Variants in NACC2 observed in about 807,000 individuals in gnomAD.
The protein encoded by NACC2 is nucleus accumbens-associated protein 2.
In NACC2, 8 loss-of-function variants were observed where a neutral mutation model predicts 25.1. That is an observed-to-expected ratio of 0.32 (90% confidence interval 0.19 to 0.57). The LOEUF (loss-of-function observed/expected upper bound fraction) is 0.57, where lower values mean the gene tolerates loss of function less well. Ranked by LOEUF, NACC2 falls within the 20% of genes least tolerant of loss-of-function variation. The probability of loss-of-function intolerance (pLI) is 0.89; values close to 1 mark genes in which losing one functional copy is unlikely to be tolerated. For missense variants in NACC2, 644 were observed against 650.2 expected, an observed-to-expected ratio of 0.99 and a Z score of 0.10; for synonymous variants, 435 against 294.7, an observed-to-expected ratio of 1.48 and a Z score of -4.88.
At chr9:136,029,881 G>T (rs571836305) in intron 2 of NACC2, among the ~76,000 whole-genome samples, 1 of 152,172 alleles carries the variant, frequency 6.6e-6, no homozygotes, top group Non-Finnish European at 1.5e-5. Flanking sequence ...TGTGGGATCC[G>T]GGCCGGTAGT....
chr9:136,050,170 C>T lies in NACC2; in HGVS notation c.352G>A (p.Asp118Asn). The T allele has an allele frequency of 1.3e-6, 1 of 770,186 alleles. No homozygotes were observed. Among genetic ancestry groups the T allele is most frequent in the Non-Finnish European group, 2.4e-6 (1 of 415,356 alleles). The allele number at this position is 770,186 out of a possible 1,614,324, so 47.7% of individuals were successfully genotyped here. Residue 118 changes from aspartate (D) to asparagine (N), a missense_variant, in exon 2 of 6, where the codon GAC becomes AAC. Coordinates refer to ENST00000277554, the MANE Select transcript of NACC2 (RefSeq NM_144653.5). ...GGCGAGCTCACCTTGAACATGAGGT[C>T]GGTGCCGCGCTCCACGATGTGCTGG... ...QIQHIVERGT[D>N]LMFKVSSPHC...
chr9:136,060,437 A>ATGGCAACTGTGAAACTG (rs1254146575), intron 1 of NACC2, among the ~76,000 whole-genome samples: 1 of 152,244 alleles, frequency 6.6e-6, no homozygotes, highest in Non-Finnish European at 1.5e-5. Context: ...CAGCTCGGGA[A>ATGGCAACTGTGAAACTG]TGGCAACTGT....
intron 1 of NACC2, among the ~76,000 whole-genome samples, chr9:136,061,381 G>A (rs1564235058): frequency 6.6e-6 from 1 of 152,120 alleles, no homozygotes; most frequent in African/African-American, 2.4e-5. Context: ...AGATAGAGGG[G>A]TCCCCTCCCT....
At position 136,084,341 on chromosome 9, in the gene NACC2, A is replaced by G. The variant is rs543915954; in HGVS notation, c.-60+10848T>C. 9.5e-4 allele frequency among the ~76,000 whole-genome samples: 144 copies of G among 152,172 alleles called. No individual in the cohort carries two copies. The highest frequency in any genetic ancestry group is 1.1e-3 in the Non-Finnish European group (74 of 68,006). On this transcript the variant is annotated intron_variant, in intron 1 of 5. Transcript: ENST00000277554. This position sits in a 1 kb window ranked among gnomAD's most constrained non-coding sequence, Gnocchi z 5.1. ...CCCATGCACACCTGGGGCCTTCACC[A>G]AAGGCGGGTTGCTGGAGGGCTGCTT... is the stretch of plus-strand genomic sequence containing the variant.
At chr9:136,042,372 G>C (rs1485324359) in intron 2 of NACC2, among the ~76,000 whole-genome samples, 1 of 152,106 alleles carries the variant, frequency 6.6e-6, no homozygotes, top group African/African-American at 2.4e-5. Context: ...CCTGACGGGG[G>C]GTATCTGGCA....
chr9:136,050,351 G>C lies in NACC2; in HGVS notation c.171C>G (p.Asp57Glu). The C allele has an allele frequency of 1.3e-6, 1 of 746,550 alleles. No homozygotes were observed. Among genetic ancestry groups the C allele is most frequent in the Non-Finnish European group, 2.5e-6 (1 of 406,930 alleles). The allele number at this position is 746,550 out of a possible 1,614,324, so 46.2% of individuals were successfully genotyped here. Reference protein sequence around the residue: ...VLAASSLYFRDLFSGNSKSAF... With the variant: ...VLAASSLYFRELFSGNSKSAF... The stretch of plus-strand genomic sequence containing the variant: ...CGCTCTTGCTGTTGCCGCTGAACAG[G>C]TCGCGGAAGTAGAGGCTGCTGGCGG... Residue 57 changes from aspartate (D) to glutamate (E), a missense_variant, in exon 2 of 6, where the codon GAC becomes GAG. Physicochemically the swap from Asp to Glu is conservative, Grantham distance 45 (BLOSUM62 2). Coordinates refer to ENST00000277554, the MANE Select transcript of NACC2 (RefSeq NM_144653.5).
rs1357480204 is a variant in NACC2 at position 136,007,693 on chromosome 9, C to G, written c.*3823G>C. On this transcript the variant is annotated 3_prime_UTR_variant, in exon 6 of 6. Transcript: ENST00000277554. ...AGCTCTGGATTCTGCGCTTAGGACT[C>G]GCTGCTGGCAGAGGCAGACAGAGGG... The G allele has an allele frequency of 6.6e-6, 1 of 152,270 alleles. No individual in the cohort carries two copies. The highest frequency in any genetic ancestry group is 2.4e-5 in the African/African-American group (1 of 41,460). 9.4% of individuals were successfully genotyped at this position (152,270 alleles called of 1,614,324 possible).
At chr9:136,048,881 G>A (rs889149106) in intron 2 of NACC2, among the ~76,000 whole-genome samples, 1 of 152,232 alleles carries the variant, frequency 6.6e-6, no homozygotes, top group African/African-American at 2.4e-5. Context: ...TCCACCACCT[G>A]CCCGTGGCTG....
At chr9:136,057,395 T>G (rs1588574650) in intron 1 of NACC2, among the ~76,000 whole-genome samples, 1 of 152,044 alleles carries the variant, frequency 6.6e-6, no homozygotes, top group Non-Finnish European at 1.5e-5. Context: ...GGGGCTGGGG[T>G]GGCTCCTGTT....
chr9:136,085,686 G>A (rs1043231205), intron 1 of NACC2, among the ~76,000 whole-genome samples: 7 of 152,206 alleles, frequency 4.6e-5, no homozygotes, highest in Non-Finnish European at 2.9e-5. Flanking sequence ...AGGTATGCAG[G>A]GGAGGTTTAC....
intron 1 of NACC2, among the ~76,000 whole-genome samples, chr9:136,094,179 C>T (rs1487117326): frequency 2.0e-5 from 3 of 152,258 alleles, no homozygotes; most frequent in Non-Finnish European, 4.4e-5. Context: ...TCAGGGCACC[C>T]AGCGGCCCAG....
chr9:136,058,112 G>GGT (rs1840954409), intron 1 of NACC2, among the ~76,000 whole-genome samples: 1 of 152,092 alleles, frequency 6.6e-6, no homozygotes, highest in Admixed American at 6.6e-5. Context: ...GGGCGGGGGG[G>GGT]GCCCAATGAC....
rs1840311716 is a variant in NACC2, at chr9:136,022,809, G to A, written c.887-6380C>T. On this transcript the variant is annotated intron_variant, in intron 2 of 5. Transcript: ENST00000277554. This position sits in a 1 kb window ranked among gnomAD's most constrained non-coding sequence, Gnocchi z 4.4. Reference sequence around the variant, plus strand: ...CACAGAGGCCACAATTATAAGGCATGCCATTCTCTCATGTGCCACAGGGCA... The same window carrying A: ...CACAGAGGCCACAATTATAAGGCATACCATTCTCTCATGTGCCACAGGGCA... Among the ~76,000 whole-genome samples, 2 of 151,904 alleles carry A rather than the reference G, an allele frequency of 1.3e-5. No homozygotes were observed. Among genetic ancestry groups the A allele is most frequent in the South Asian group, 4.2e-4 (2 of 4,816 alleles).
At chr9:136,067,285 AATTG>A (rs999748752) in intron 1 of NACC2, among the ~76,000 whole-genome samples, 3 of 151,312 alleles carry the variant, frequency 2.0e-5, no homozygotes, top group East Asian at 1.9e-4. Context: ...AAAAAAAAAA[AATTG>A]TTGTTGCCTA....
chr9:136,033,418 C>G (rs1428355022), intron 2 of NACC2, among the ~76,000 whole-genome samples: 1 of 151,798 alleles, frequency 6.6e-6, no homozygotes, highest in South Asian at 2.1e-4. Flanking sequence ...CTGATGTGGG[C>G]GGATCATCTG....
intron 1 of NACC2, among the ~76,000 whole-genome samples, chr9:136,085,315 CA>C (rs927697422): frequency 7.3e-5 from 11 of 151,030 alleles, no homozygotes; most frequent in Admixed American, 1.3e-4. Flanking sequence ...GTGCCCGACC[CA>C]AAAAAATTTT....
chr9:136,072,518 C>T (rs1830204501), intron 1 of NACC2, among the ~76,000 whole-genome samples: 1 of 151,914 alleles, frequency 6.6e-6, no homozygotes, highest in Admixed American at 6.6e-5. Flanking sequence ...GCAATCCAGC[C>T]TGCACAACAG....
At chr9:136,060,029 C>A (rs1840986584) in intron 1 of NACC2, among the ~76,000 whole-genome samples, 1 of 152,260 alleles carries the variant, frequency 6.6e-6, no homozygotes, top group Non-Finnish European at 1.5e-5. Flanking sequence ...CCCCACTCTG[C>A]CATGAGACAG....
intron 1 of NACC2, among the ~76,000 whole-genome samples, chr9:136,075,379 G>A (rs1588581078): frequency 1.3e-5 from 2 of 152,346 alleles, no homozygotes; most frequent in African/African-American, 2.4e-5. Flanking sequence ...TGACTGAAGC[G>A]CTCATTACAG....
Sources: gnomAD v4.1 joint callset for allele counts (sites outside exome capture counted in the v4.1 genomes callset) on GRCh38, gnomAD v4.1.1 for gene constraint, Gnocchi (gnomAD v3.1) non-coding constraint, MANE v1.5 for transcripts, NCBI Gene and HGNC (gene_info 2026-07-23, HGNC 2026-07-21) for gene names.